The following KNTC1 variants were observed in gnomAD, a reference collection of about 807,000 sequenced individuals.
The protein encoded by KNTC1 is kinetochore-associated protein 1.
A neutral mutation model predicts 314.4 loss-of-function variants in KNTC1; 253 were observed. That is an observed-to-expected ratio of 0.80 (90% CI 0.73 to 0.89). The LOEUF (loss-of-function observed/expected upper bound fraction) is 0.89. Among genes scored for constraint, KNTC1 ranks in the 40% least tolerant of loss-of-function variants. The pLI, the probability that KNTC1 is intolerant of heterozygous loss-of-function variation, is 0.00. For missense variants in KNTC1, 2,475 were observed against 2,572.9 expected (o/e 0.96, Z 0.82); for synonymous variants, 901 against 901.4 (o/e 1.00, Z 0.01).
intron 33 of KNTC1, among the ~76,000 whole-genome samples, chr12:122,581,886 G>T (rs1310753482): frequency 6.6e-6 from 1 of 152,198 alleles, no homozygotes; most frequent in Non-Finnish European, 1.5e-5. Flanking sequence ...TACATTCACA[G>T]TGTTGTGCAG....
intron 22 of KNTC1, among the ~76,000 whole-genome samples, chr12:122,570,459 G>A (rs1365032241): frequency 2.0e-5 from 3 of 150,714 alleles, no homozygotes; most frequent in South Asian, 2.1e-4. Context: ...GCAGTGAACC[G>A]AGATCGTGCC....
At chr12:122,569,594 A>T in intron 21 of KNTC1, 87 bp from the exon 22 acceptor site, 1 of 1,204,510 alleles carries the variant, frequency 8.3e-7, no homozygotes, top group African/African-American at 1.5e-5. Flanking sequence ...ACTCCTTAAA[A>T]TGACTTCCTA....
At chr12:122,540,472 A>T (rs913076731) in intron 5 of KNTC1, among the ~76,000 whole-genome samples, 2 of 152,046 alleles carry the variant, frequency 1.3e-5, no homozygotes, top group Non-Finnish European at 2.9e-5. Flanking sequence ...TGTATTTTTT[A>T]TACATTTTTT....
intron 31 of KNTC1, among the ~76,000 whole-genome samples, chr12:122,579,087 C>A (rs1325504174): frequency 1.2e-5 from 1 of 82,742 alleles, no homozygotes; most frequent in South Asian, 4.8e-4. Context: ...TTTTTTGAGA[C>A]GGAGTCTCGC....
Position 122,618,415 on chromosome 12 carries a change from A to G in KNTC1, c.6085+18A>G, listed in dbSNP as rs1397871909. The G allele has an allele frequency of 1.9e-6, 3 of 1,613,372 alleles. No individual in the cohort carries two copies. The highest frequency in any genetic ancestry group is 1.3e-5 in the African/African-American group (1 of 74,842). ...GCTTTCAGGTATTTCGCTCTCTGAA[A>G]CATTGGCTACAGCATTTTATAGTTG... On this transcript the variant is annotated intron_variant, in intron 58 of 63. Transcript: ENST00000333479.
intron 32 of KNTC1, 61 bp from the exon 33 acceptor site, chr12:122,580,542 T>C: frequency 9.3e-7 from 1 of 1,071,520 alleles, no homozygotes; most frequent in Non-Finnish European, 1.4e-6. Context: ...TTCTTCTTTT[T>C]AAAATTCTGA....
intron 31 of KNTC1, among the ~76,000 whole-genome samples, chr12:122,578,052 GGTTTCTATAAAGC>G (rs1177831119): frequency 6.6e-6 from 1 of 151,922 alleles, no homozygotes; most frequent in Non-Finnish European, 1.5e-5. Context: ...GTACACGAAA[GGTTTCTATAAAGC>G]GTTGCAATAT....
Position 122,605,365 on chromosome 12 carries a change from T to G in KNTC1, c.5446T>G (p.Trp1816Gly). The G allele has an allele frequency of 6.2e-7, 1 of 1,606,146 alleles. No individual in the cohort carries two copies. The highest frequency in any genetic ancestry group is 8.5e-7 in the Non-Finnish European group (1 of 1,176,050). Reference sequence around the variant, plus strand: ...CAATGAAATTAATTTGGAAAAAGTCTGGGACATGTTGTTGGAAAAATGGCT... The same window carrying G: ...CAATGAAATTAATTTGGAAAAAGTCGGGGACATGTTGTTGGAAAAATGGCT... The part of the protein sequence containing the change: ...EVNEINLEKV[W>G]DMLLEKWLCP... The change falls in exon 51 of 64, where the codon TGG becomes GGG. Residue 1816 changes from tryptophan to glycine, a missense_variant. Physicochemically the swap from Trp to Gly is radical, Grantham distance 184 (BLOSUM62 -2). Transcript: ENST00000333479.
Position 122,624,697 on chromosome 12 carries a change from G to C in KNTC1, c.6606+9G>C. On this transcript the variant is annotated intron_variant, in intron 63 of 63. Transcript: ENST00000333479. ...CCTGTGAAATTCTGAAGGTAAAGCT[G>C]ATGGAAAGTTCTTAGGTTCTAACTT... 6.2e-7 allele frequency: 1 copy of C among 1,600,914 alleles called. No homozygotes were observed. The highest frequency in any genetic ancestry group is 1.1e-5 in the South Asian group (1 of 90,842).
chr12:122,549,887 G>A (rs1389012817), intron 13 of KNTC1, 23 bp downstream of exon 13: 1 of 1,326,016 alleles, frequency 7.5e-7, no homozygotes, highest in Admixed American at 2.0e-5. Context: ...GCATTTTAAA[G>A]TATTCTTTTA....
intron 12 of KNTC1, among the ~76,000 whole-genome samples, chr12:122,549,476 A>C (rs1963037644): frequency 6.6e-6 from 1 of 152,156 alleles, no homozygotes; most frequent in South Asian, 2.1e-4. Flanking sequence ...CAGCCTCCCC[A>C]GTAGCTGTGA....
At chr12:122,624,450 TAG>T in intron 62 of KNTC1, 146 bp from the exon 63 acceptor site, 2 of 528,708 alleles carry the variant, frequency 3.8e-6, no homozygotes, top group Non-Finnish European at 3.4e-6. Flanking sequence ...ATATTTTTTG[TAG>T]AGACAGGGCT....
chr12:122,579,000 ACTGT>A (rs1302836880), intron 31 of KNTC1, among the ~76,000 whole-genome samples: 2 of 143,864 alleles, frequency 1.4e-5, no homozygotes, highest in Non-Finnish European at 3.0e-5. Flanking sequence ...CTCAGCTCAA[ACTGT>A]CTAATACCAT....
At chr12:122,547,098 T>C (rs1371254446) in intron 10 of KNTC1, among the ~76,000 whole-genome samples, 2 of 151,664 alleles carry the variant, frequency 1.3e-5, no homozygotes, top group African/African-American at 4.8e-5. Context: ...CCTCCCAAAG[T>C]GCTGGGATTA....
intron 61 of KNTC1, 116 bp from the exon 62 acceptor site, chr12:122,622,346 G>A (rs1014188): frequency 0.095 from 94,136 of 993,544 alleles, 5,234 homozygotes; most frequent in Middle Eastern, 0.14. Flanking sequence ...TTGGGCTTCC[G>A]ATTGTCAGAA....
intron 6 of KNTC1, among the ~76,000 whole-genome samples, chr12:122,543,359 A>C (rs1330179103): frequency 1.3e-5 from 2 of 152,236 alleles, no homozygotes; most frequent in Admixed American, 1.3e-4. Context: ...GGAGAGTTGG[A>C]GTAGGGAGAA....
At chr12:122,582,656 C>A in intron 33 of KNTC1, 49 bp from the exon 34 acceptor site, 5 of 1,447,942 alleles carry the variant, frequency 3.5e-6, no homozygotes, top group South Asian at 1.4e-5. Context: ...TTATTTTAAA[C>A]AATAGATTAA....
chr12:122,580,304 G>A (rs1965318311), intron 32 of KNTC1, among the ~76,000 whole-genome samples: 1 of 152,022 alleles, frequency 6.6e-6, no homozygotes, highest in Non-Finnish European at 1.5e-5. Flanking sequence ...CCATTTGACT[G>A]GAAGTTAAAT....
chr12:122,594,200 T>C, intron 42 of KNTC1, 76 bp from the exon 43 acceptor site: 3 of 807,118 alleles, frequency 3.7e-6, no homozygotes, highest in Non-Finnish European at 4.2e-6. Context: ...AGAAGGCAAG[T>C]CATGATGTTG....
Sources: allele counts gnomAD v4.1 joint callset (sites outside exome capture counted in the v4.1 genomes callset), GRCh38; gene constraint gnomAD v4.1.1; transcripts MANE v1.5; gene names NCBI Gene and HGNC (gene_info 2026-07-23, HGNC 2026-07-21).